Variants in CEACAM20 observed in about 807,000 individuals in gnomAD.
CEACAM20 encodes cell adhesion molecule CEACAM20.
CEACAM20 carries 50 observed loss-of-function variants against 61.2 expected under a neutral mutation model. The ratio of observed to expected loss-of-function variants is 0.82; its 90% CI spans 0.65 to 1.03. The LOEUF is 1.03. Among genes scored for constraint, CEACAM20 ranks in the 50% least tolerant of loss-of-function variants. The pLI is 0.00. For missense variants in CEACAM20, 683 were observed against 736.4 expected (o/e 0.93, Z 0.84); for synonymous variants, 282 against 287.7 (o/e 0.98, Z 0.20).
At chr19:44,524,980 G>T in intron 2 of CEACAM20, 121 bp downstream of exon 2, 3 of 1,262,716 alleles carry the variant, frequency 2.4e-6, no homozygotes, top group Non-Finnish European at 3.3e-6. Flanking sequence ...TGAACCAGTT[G>T]TTGCTGGACC....
At position 44,512,023 on chromosome 19, in the gene CEACAM20, G is replaced by C. The variant is rs747350028; in HGVS notation, c.1569C>G (p.Val523=). ...NISQLQGRIR[V]ELMQPPDLPE... ...CCTCTGCAGCATCACTCACCAGTTC[G>C]ACTCTGATCCGTCCCTGAAGCTGGG... Residue 523 remains valine (V), a synonymous_variant, in exon 9 of 12, where the codon GTC becomes GTG. Coordinates refer to ENST00000614924, the MANE Select transcript of CEACAM20 (RefSeq NM_001102597.3). The C allele has an allele frequency of 6.2e-7, 1 of 1,608,754 alleles. No individual in the cohort carries two copies. Among genetic ancestry groups the C allele is most frequent in the South Asian group, 1.1e-5 (1 of 89,454 alleles).
intron 8 of CEACAM20, 38 bp downstream of exon 8, chr19:44,512,830 C>T: frequency 5.8e-6 from 9 of 1,564,618 alleles, no homozygotes; most frequent in Non-Finnish European, 7.9e-6. Flanking sequence ...CCAGCCCTCA[C>T]CCCTGCCCCA....
intron 2 of CEACAM20, 21 bp downstream of exon 2, chr19:44,525,080 G>A (rs567177943): frequency 3.5e-5 from 56 of 1,607,366 alleles, no homozygotes; most frequent in South Asian, 1.9e-4. Flanking sequence ...CAGAATGACC[G>A]TCTTGTTTTC....
At chr19:44,523,933 C>T in intron 3 of CEACAM20, 53 bp downstream of exon 3, 1 of 1,506,374 alleles carries the variant, frequency 6.6e-7, no homozygotes, top group Non-Finnish European at 8.9e-7. Flanking sequence ...CTGAACGAGG[C>T]ACTAAGCAAG....
chr19:44,516,567 C>T (rs922907548), intron 6 of CEACAM20, among the ~76,000 whole-genome samples: 8 of 152,196 alleles, frequency 5.3e-5, no homozygotes, highest in African/African-American at 1.9e-4. Context: ...CGCCTTCCAC[C>T]ATGATTGTGA....
chr19:44,524,273 C>A lies in CEACAM20; in HGVS notation c.197-12G>T. ...GGGTTTGGCCAGCTCTGAAAGCAAG[C>A]GAGGGAGACAGAGGCAGAGACACAG... is the stretch of plus-strand genomic sequence containing the variant. On this transcript the variant is annotated splice_polypyrimidine_tract_variant and intron_variant, in intron 2 of 11. Coordinates refer to ENST00000614924, the MANE Select transcript of CEACAM20 (RefSeq NM_001102597.3). 1 of 1,605,888 alleles carries A rather than the reference C, an allele frequency of 6.2e-7. No homozygotes were observed. Among genetic ancestry groups the A allele is most frequent in the South Asian group, 1.1e-5 (1 of 89,790 alleles).
chr19:44,528,478 C>T (rs1971604498), intron 1 of CEACAM20, among the ~76,000 whole-genome samples: 1 of 152,254 alleles, frequency 6.6e-6, no homozygotes, highest in Non-Finnish European at 1.5e-5. Flanking sequence ...CCCGCCTTGG[C>T]CCCCCAAAGT....
At chr19:44,513,383 A>AT in intron 6 of CEACAM20, 94 bp from the exon 7 acceptor site, 1 of 736,920 alleles carries the variant, frequency 1.4e-6, no homozygotes, top group Non-Finnish European at 2.2e-6. Flanking sequence ...CTCTACTGAC[A>AT]TTTTGTGAGC....
chr19:44,510,611 AAAG>A (rs1599664162), intron 11 of CEACAM20, among the ~76,000 whole-genome samples: 2,450 of 72,158 alleles, frequency 0.034, 117 homozygotes, highest in East Asian at 0.075. Flanking sequence ...AAAGAAAGAA[AAAG>A]GAAGGAAGGA....
intron 1 of CEACAM20, among the ~76,000 whole-genome samples, chr19:44,528,929 T>C (rs6509164): frequency 0.064 from 9,641 of 150,532 alleles, 1,089 homozygotes; most frequent in African/African-American, 0.22. Flanking sequence ...TGTATCTATG[T>C]TTATTTCTGT....
chr19:44,528,278 G>C (rs1971597791), intron 1 of CEACAM20, among the ~76,000 whole-genome samples: 1 of 149,314 alleles, frequency 6.7e-6, no homozygotes, highest in East Asian at 2.0e-4. Context: ...ACACAGGCTG[G>C]AGTGTAATGG....
chr19:44,517,191 G>T lies in CEACAM20; in HGVS notation c.1064C>A (p.Ser355Ter). ...GPDQVHITRESASEMISTIEA... is the reference protein window; with the variant it reads ...GPDQVHITRE Reference sequence around the variant, plus strand: ...TATGGTGCTGATCATCTCAGATGCCGACTCCCTGGTGATGTGCACTTGGTC... The same window carrying T: ...TATGGTGCTGATCATCTCAGATGCCTACTCCCTGGTGATGTGCACTTGGTC... Residue 355 changes from serine to a stop codon, truncating the protein, a stop_gained, in exon 6 of 12, where the codon TCG becomes TAG. Transcript: ENST00000614924. LOFTEE classifies it high-confidence loss of function. 1 of 1,609,880 alleles carries T rather than the reference G, an allele frequency of 6.2e-7. No individual in the cohort carries two copies. The highest frequency in any genetic ancestry group is 1.1e-5 in the South Asian group (1 of 91,066).
chr19:44,521,193 T>C (rs1385042141), intron 4 of CEACAM20, among the ~76,000 whole-genome samples: 1 of 152,124 alleles, frequency 6.6e-6, no homozygotes, highest in Non-Finnish European at 1.5e-5. Context: ...ATATGCTGTA[T>C]GTGCTGCATG....
chr19:44,529,422 C>T lies in CEACAM20; in HGVS notation c.52+36G>A, dbSNP rs1971646941. The T allele has an allele frequency of 2.5e-6, 4 of 1,601,296 alleles. No homozygotes were observed. The East Asian group carries it at 8.9e-5, about 36-fold the overall frequency. Reference sequence around the variant, plus strand: ...GCTGACAAATAGATGCATACAACCTCCCTCCTCCCGCATCTGAAGGAAGCA... The same window carrying T: ...GCTGACAAATAGATGCATACAACCTTCCTCCTCCCGCATCTGAAGGAAGCA... On this transcript the variant is annotated intron_variant, in intron 1 of 11. Transcript: ENST00000614924.
Position 44,522,624 on chromosome 19 carries a change from G to A in CEACAM20, c.751+10C>T. 2 of 1,609,302 alleles carry A rather than the reference G, an allele frequency of 1.2e-6. No individual in the cohort carries two copies. The highest frequency in any genetic ancestry group is 2.2e-5 in the South Asian group (2 of 90,584). ...AGAATGAAGGAGAGGAACCGGGAAA[G>A]GAGACTCACCAAGTACTCGGACCTT... On this transcript the variant is annotated intron_variant, in intron 4 of 11. Coordinates refer to ENST00000614924, the MANE Select transcript of CEACAM20 (RefSeq NM_001102597.3).
chr19:44,509,418 T>C (rs1342844869), intron 11 of CEACAM20, among the ~76,000 whole-genome samples: 1 of 144,468 alleles, frequency 6.9e-6, no homozygotes, highest in Non-Finnish European at 1.5e-5. Flanking sequence ...AATAATGAAA[T>C]GAAATGAAAC....
chr19:44,523,411 A>G (rs1971430190), intron 3 of CEACAM20, among the ~76,000 whole-genome samples: 1 of 106,848 alleles, frequency 9.4e-6, no homozygotes. Context: ...CTTGTCTCAA[A>G]TGAATGAATG....
Position 44,520,492 on chromosome 19 carries a change from G to A in CEACAM20, c.1012C>T (p.Leu338Phe), listed in dbSNP as rs1971321287. 3.1e-6 allele frequency: 5 copies of A among 1,613,096 alleles called. No homozygotes were observed. Among genetic ancestry groups the A allele is most frequent in the African/African-American group, 1.3e-5 (1 of 74,942 alleles). The change falls in exon 5 of 12, where the codon CTT becomes TTT. Residue 338 changes from leucine (L) to phenylalanine (F), a missense_variant. Physicochemically the swap from Leu to Phe is conservative, Grantham distance 22. Transcript: ENST00000614924. ...NWGSRARSEP[L>F]ELTINYGPDQ... ...GACTCACAGTTGATGGTCAGCTCAA[G>A]GGGCTCACTCCGGGCCCGGCTGCCC...
chr19:44,518,091 AAAGAAAGAAAGAAAGG>A (rs1395751364), intron 5 of CEACAM20, among the ~76,000 whole-genome samples: 21 of 106,202 alleles, frequency 2.0e-4, no homozygotes, highest in South Asian at 3.3e-4. Flanking sequence ...GGAAAGAAAG[AAAGAAAGAAAGAAAGG>A]AAGGAAGGAA....
Sources: allele counts gnomAD v4.1 joint callset (sites outside exome capture counted in the v4.1 genomes callset), GRCh38; gene constraint gnomAD v4.1.1; transcripts MANE v1.5; gene names NCBI Gene and HGNC (gene_info 2026-07-23, HGNC 2026-07-21).